Variants in CCSER2 observed in about 807,000 individuals in gnomAD.
CCSER2 encodes the protein serine-rich coiled-coil domain-containing protein 2.
A neutral mutation model predicts 92.3 loss-of-function variants in CCSER2; 46 were observed. The observed-to-expected ratio is 0.50, with a 90% CI of 0.39 to 0.64. The LOEUF is 0.64. CCSER2 is among the 30% of genes least tolerant of loss of function. The pLI is 0.00. For synonymous variants in CCSER2, 433 were observed against 431.4 expected (o/e 1.00, Z -0.04); for missense variants, 1,244 against 1,238.9 (o/e 1.00, Z -0.06).
At chr10:84,509,391 A>G (rs1411882345) in intron 9 of CCSER2, among the ~76,000 whole-genome samples, 1 of 152,220 alleles carries the variant, frequency 6.6e-6, no homozygotes. Context: ...AAAATGAATA[A>G]AGCATGGTAC....
At chr10:84,344,358 T>G (rs1844366645) in intron 1 of CCSER2, among the ~76,000 whole-genome samples, 1 of 151,320 alleles carries the variant, frequency 6.6e-6, no homozygotes, top group Admixed American at 6.6e-5. Context: ...TATTAAAGGT[T>G]TTTTTTTTGT....
At position 84,371,752 on chromosome 10, in the gene CCSER2, C is replaced by T; in HGVS notation, c.700C>T (p.Pro234Ser). Residue 234 changes from proline to serine, a missense_variant, in exon 2 of 10, where the codon CCA becomes TCA. Transcript: ENST00000372088. Reference sequence around the variant, plus strand: ...ACATTCCATTCAGAATTCATTCCTTCCACCTTCATCTATAACCAGATCACA... The same window carrying T: ...ACATTCCATTCAGAATTCATTCCTTTCACCTTCATCTATAACCAGATCACA... The part of the protein sequence containing the change: ...FSHSIQNSFL[P>S]PSSITRSHSF... 1.9e-6 allele frequency: 3 copies of T among 1,613,468 alleles called. No homozygotes were observed. Among genetic ancestry groups the T allele is most frequent in the Non-Finnish European group, 2.5e-6 (3 of 1,179,640 alleles).
chr10:84,335,027 A>G (rs1843754570), intron 1 of CCSER2, among the ~76,000 whole-genome samples: 1 of 152,138 alleles, frequency 6.6e-6, no homozygotes, highest in Non-Finnish European at 1.5e-5. Flanking sequence ...TCACTTTGGC[A>G]TGGTCTCCTA....
At chr10:84,345,753 T>C (rs1160587493) in intron 1 of CCSER2, among the ~76,000 whole-genome samples, 1 of 152,178 alleles carries the variant, frequency 6.6e-6, no homozygotes, top group Non-Finnish European at 1.5e-5. Flanking sequence ...ACTTTAATTT[T>C]AAGGTGTGGT....
chr10:84,351,758 T>G (rs141309570), intron 1 of CCSER2, among the ~76,000 whole-genome samples: 10 of 152,290 alleles, frequency 6.6e-5, no homozygotes, highest in Admixed American at 1.3e-4. Flanking sequence ...CAACTAGAAT[T>G]AAGTGAGATT....
chr10:84,367,644 T>C (rs890741129), intron 1 of CCSER2, among the ~76,000 whole-genome samples: 4 of 151,980 alleles, frequency 2.6e-5, no homozygotes, highest in African/African-American at 7.2e-5. Context: ...CTCCTCGATA[T>C]ACTCTTGTTA....
intron 6 of CCSER2, among the ~76,000 whole-genome samples, chr10:84,453,066 AAGG>A (rs1279325156): frequency 7.9e-5 from 12 of 152,202 alleles, no homozygotes; most frequent in African/African-American, 1.9e-4. Flanking sequence ...GTTTAATAAA[AAGG>A]AGCAGAATTT....
intron 9 of CCSER2, among the ~76,000 whole-genome samples, chr10:84,512,604 G>A (rs1425647470): frequency 6.6e-6 from 1 of 152,138 alleles, no homozygotes; most frequent in Non-Finnish European, 1.5e-5. Context: ...TACACAATGA[G>A]CTTCAGGGAA....
At chr10:84,483,998 A>ATATATATATATTTT (rs1564711769) in intron 9 of CCSER2, among the ~76,000 whole-genome samples, 1 of 55,286 alleles carries the variant, frequency 1.8e-5, no homozygotes, top group Non-Finnish European at 3.2e-5. Flanking sequence ...TATATATATA[A>ATATATATATATTTT]TTTTTTTTTT....
At chr10:84,356,690 T>C (rs1292401470) in intron 1 of CCSER2, among the ~76,000 whole-genome samples, 4 of 152,180 alleles carry the variant, frequency 2.6e-5, no homozygotes, top group Non-Finnish European at 1.5e-5. Flanking sequence ...TTAGGGTTAG[T>C]AACCCAATAT....
At chr10:84,476,094 C>G (rs551734231) in intron 8 of CCSER2, among the ~76,000 whole-genome samples, 1 of 152,106 alleles carries the variant, frequency 6.6e-6, no homozygotes, top group Non-Finnish European at 1.5e-5. Context: ...CCACAGCCTC[C>G]CAAAGTACTG....
chr10:84,389,395 TGGCAGTTCCTTGAG>T (rs1185059270), intron 3 of CCSER2: 1 of 505,808 alleles, frequency 2.0e-6, no homozygotes, highest in African/African-American at 1.9e-5. Flanking sequence ...TTCTGTCTCC[TGGCAGTTCCTTGAG>T]GGCTTTGATG....
chr10:84,502,130 T>C (rs11819568), intron 9 of CCSER2, among the ~76,000 whole-genome samples: 31,405 of 150,702 alleles, frequency 0.21, 3,532 homozygotes, highest in Admixed American at 0.34. Flanking sequence ...TTTTTAGTTA[T>C]AAAATATAGA....
At chr10:84,354,586 T>G (rs1337334181) in intron 1 of CCSER2, among the ~76,000 whole-genome samples, 2 of 138,650 alleles carry the variant, frequency 1.4e-5, no homozygotes, top group Non-Finnish European at 3.1e-5. Flanking sequence ...TTTTAAGTGT[T>G]GGTGATACCA....
intron 6 of CCSER2, among the ~76,000 whole-genome samples, chr10:84,459,165 G>A (rs149886950): frequency 0.024 from 3,589 of 152,130 alleles, 53 homozygotes; most frequent in South Asian, 0.07. Context: ...GTGCCACCAC[G>A]CTTGGTTAAT....
At chr10:84,349,684 AAAAG>A (rs749765007) in intron 1 of CCSER2, among the ~76,000 whole-genome samples, 71 of 152,336 alleles carry the variant, frequency 4.7e-4, no homozygotes, top group African/African-American at 1.0e-3. Context: ...CCTTGTTTCA[AAAAG>A]AAAGAAAGAA....
At chr10:84,495,100 G>A (rs1484101087) in intron 9 of CCSER2, among the ~76,000 whole-genome samples, 1 of 147,070 alleles carries the variant, frequency 6.8e-6, no homozygotes, top group African/African-American at 2.5e-5. Flanking sequence ...TACTTCAGCT[G>A]TTTCCTACAT....
intron 6 of CCSER2, among the ~76,000 whole-genome samples, chr10:84,441,100 G>A (rs1252772419): frequency 1.3e-5 from 2 of 152,078 alleles, no homozygotes; most frequent in African/African-American, 4.8e-5. Flanking sequence ...AAATGTTCTT[G>A]TTATTTCTGT....
intron 5 of CCSER2, among the ~76,000 whole-genome samples, chr10:84,433,161 T>C (rs2065844): frequency 0.64 from 97,125 of 151,918 alleles, 31,253 homozygotes; most frequent in Middle Eastern, 0.67. Context: ...CCTTCGACTT[T>C]CTTCTTCTTC....
Sources: gnomAD v4.1 joint callset for allele counts (sites outside exome capture counted in the v4.1 genomes callset) on GRCh38, gnomAD v4.1.1 for gene constraint, MANE v1.5 for transcripts, NCBI Gene and HGNC (gene_info 2026-07-23, HGNC 2026-07-21) for gene names.